Variants in FBXO41 observed in about 807,000 individuals in gnomAD.
The protein encoded by FBXO41 is F-box protein 41, also known as F-box only protein 41.
In FBXO41, 33 loss-of-function variants were observed where a neutral mutation model predicts 81.6. The ratio of observed to expected loss-of-function variants is 0.40; its 90% confidence interval spans 0.31 to 0.54. FBXO41 has a LOEUF of 0.54. FBXO41 is among the 20% of genes least tolerant of loss of function. The pLI is 0.39. For synonymous variants in FBXO41, 576 were observed against 552.7 expected, an observed-to-expected ratio of 1.04 and a Z score of -0.59; for missense variants, 1,107 against 1,236.0, an observed-to-expected ratio of 0.90 and a Z score of 1.56.
chr2:73,277,022 T>C (rs555649188), intron 1 of FBXO41, among the ~76,000 whole-genome samples: 20 of 152,332 alleles, frequency 1.3e-4, no homozygotes, highest in Middle Eastern at 3.4e-3. Context: ...GTAGCCAGCC[T>C]TCTCCCCACC....
At chr2:73,282,393 A>G (rs1462667294) in intron 1 of FBXO41, among the ~76,000 whole-genome samples, 2 of 152,146 alleles carry the variant, frequency 1.3e-5, no homozygotes, top group East Asian at 3.9e-4. Context: ...CTTTTCAACA[A>G]CCATCACCCC....
Position 73,269,052 on chromosome 2 carries a change from G to C in FBXO41, c.579C>G (p.Pro193=). 3.3e-6 allele frequency: 5 copies of C among 1,529,860 alleles called. No homozygotes were observed. The highest frequency in any genetic ancestry group is 4.4e-6 in the Non-Finnish European group (5 of 1,142,984). 94.8% of individuals were successfully genotyped at this position (1,529,860 alleles called of 1,614,324 possible). A position where few individuals can be genotyped will look rare whatever the true frequency, so the allele number is the denominator to read the frequency against. The change falls in exon 2 of 13, where the codon CCC becomes CCG. Residue 193 remains proline (P), a synonymous_variant. Coordinates refer to ENST00000520530, the MANE Select transcript of FBXO41 (RefSeq NM_001371389.2). The surrounding 1 kb of genome is among the most constrained non-coding windows in gnomAD (Gnocchi z 7.0). ...PASASPASPS[P]ADVAYEEGLA... is the part of the protein sequence containing the mutation. ...GGCCCTCTTCGTAGGCCACATCAGC[G>C]GGTGAGGGGGACGCGGGCGAAGCGG...
intron 1 of FBXO41, among the ~76,000 whole-genome samples, chr2:73,277,664 G>C (rs1688734816): frequency 6.6e-6 from 1 of 150,586 alleles, no homozygotes. Context: ...TTTTTTTAAG[G>C]CTTACAGGTA....
At position 73,266,099 on chromosome 2, in the gene FBXO41, A is replaced by G. The variant is rs1420844794; in HGVS notation, c.1132-133T>C. The stretch of plus-strand genomic sequence containing the variant: ...GGAGAGAGAAGGGAAAATAGTTGGG[A>G]AAGATGGACAAATGGACAGACAGAC... On this transcript the variant is annotated intron_variant, in intron 3 of 12. Coordinates refer to ENST00000520530, the MANE Select transcript of FBXO41 (RefSeq NM_001371389.2). This position sits in a 1 kb window ranked among gnomAD's most constrained non-coding sequence, Gnocchi z 5.3. The G allele has an allele frequency of 2.4e-6, 2 of 825,478 alleles. No individual in the cohort carries two copies. The highest frequency in any genetic ancestry group is 3.9e-6 in the Non-Finnish European group (2 of 511,084). The allele number at this position is 825,478 out of a possible 1,614,324, so 51.1% of individuals were successfully genotyped here.
rs945858302 is a variant in FBXO41, at chr2:73,284,379, G to C, written c.-358C>G. ...CGCAGCGGGAGGGGCGCACGAACCCGGCGGGAGGAAGGATGGAGGAGGAGG... is the reference window on the plus strand; with the variant it reads ...CGCAGCGGGAGGGGCGCACGAACCCCGCGGGAGGAAGGATGGAGGAGGAGG... On this transcript the variant is annotated 5_prime_UTR_variant, in exon 1 of 13. Transcript: ENST00000520530. This position sits in a 1 kb window ranked among gnomAD's most constrained non-coding sequence, Gnocchi z 7.4. 2.0e-5 allele frequency: 3 copies of C among 152,394 alleles called. No individual in the cohort carries two copies. The highest frequency in any genetic ancestry group is 7.2e-5 in the African/African-American group (3 of 41,408). 9.4% of individuals were successfully genotyped at this position (152,394 alleles called of 1,614,324 possible).
chr2:73,259,336 G>T lies in FBXO41; in HGVS notation c.2450-40C>A. ...GCAAAGTAGGGGCGTGTTTGGCCTG[G>T]GCTGTGGAGCTGCCTCCTCTCCTCT... On this transcript the variant is annotated intron_variant, in intron 11 of 12. Transcript: ENST00000520530. The surrounding 1 kb of genome is among the most constrained non-coding windows in gnomAD (Gnocchi z 4.2). 1 of 1,546,036 alleles carries T rather than the reference G, an allele frequency of 6.5e-7. No individual in the cohort carries two copies. Among genetic ancestry groups the T allele is most frequent in the Middle Eastern group, 1.7e-4 (1 of 5,948 alleles).
rs141922561 is a variant in FBXO41 at position 73,276,526 on chromosome 2, C to T, written c.-138-6758G>A. 6.9e-3 allele frequency among the ~76,000 whole-genome samples: 961 copies of T among 139,508 alleles called. 17 individuals carry two copies. The highest frequency in any genetic ancestry group is 0.023 in the African/African-American group (855 of 36,810). The allele number at this position is 139,508 out of a possible 152,430, so 91.5% of individuals were successfully genotyped here. A position where few individuals can be genotyped will look rare whatever the true frequency, so the allele number is the denominator to read the frequency against. The stretch of plus-strand genomic sequence containing the variant: ...TCCAAAACATGGTTCTTTGAAAAGA[C>T]CAGCAAAATAAACAGCTCTCTGGCA... On this transcript the variant is annotated intron_variant, in intron 1 of 12. Transcript: ENST00000520530.
Position 73,265,273 on chromosome 2 carries a change from G to T in FBXO41, c.1564+9C>A. On this transcript the variant is annotated intron_variant, in intron 5 of 12. Transcript: ENST00000520530. ...CCTGTGTCCCCCTGCCCAGCCTTCC[G>T]GGACCTACCTGAGAGCCGGCAGCTG... The T allele has an allele frequency of 6.3e-7, 1 of 1,592,304 alleles. No individual in the cohort carries two copies. Among genetic ancestry groups the T allele is most frequent in the South Asian group, 1.1e-5 (1 of 88,464 alleles).
At chr2:73,263,171 A>G (rs1486323904) in intron 9 of FBXO41, 42 bp downstream of exon 9, 40 of 1,515,014 alleles carry the variant, frequency 2.6e-5, no homozygotes, top group Non-Finnish European at 3.5e-5. Flanking sequence ...ACCAGGCCCA[A>G]CCGTGTCCCC....
intron 5 of FBXO41, 143 bp from the exon 6 acceptor site, chr2:73,264,662 C>T: frequency 8.1e-7 from 1 of 1,232,722 alleles, no homozygotes; most frequent in East Asian, 2.5e-5. Flanking sequence ...GAAAAGGGGC[C>T]TCTGCCTCCC....
rs184348217 is a variant in FBXO41, at chr2:73,267,574, C to T, written c.906-892G>A. ...TTGGGGAAATAGCAGTGAACAACTC[C>T]TGTCTTTATGGAGTTTATATGACAA... On this transcript the variant is annotated intron_variant, in intron 2 of 12. Coordinates refer to ENST00000520530, the MANE Select transcript of FBXO41 (RefSeq NM_001371389.2). 2.0e-3 allele frequency among the ~76,000 whole-genome samples: 312 copies of T among 152,348 alleles called. 2 individuals carry two copies. The highest frequency in any genetic ancestry group is 1.7e-3 in the Non-Finnish European group (118 of 68,038).
chr2:73,281,003 G>A (rs1245194948), intron 1 of FBXO41, among the ~76,000 whole-genome samples: 1 of 152,198 alleles, frequency 6.6e-6, no homozygotes, highest in African/African-American at 2.4e-5. Context: ...AATAACAGGT[G>A]GCTTCCTGGT....
At position 73,257,144 on chromosome 2, in the gene FBXO41, A is replaced by G. The variant is rs537434398; in HGVS notation, c.*1838T>C. ...TGCTGCTTTTTCCTGACCCCTGAGGACAGGGCTGGTGCAGGGAGAAGCCAA... is the reference window on the plus strand; with the variant it reads ...TGCTGCTTTTTCCTGACCCCTGAGGGCAGGGCTGGTGCAGGGAGAAGCCAA... On this transcript the variant is annotated 3_prime_UTR_variant, in exon 13 of 13. Transcript: ENST00000520530. This position sits in a 1 kb window ranked among gnomAD's most constrained non-coding sequence, Gnocchi z 4.6. 4 of 153,086 alleles carry G rather than the reference A, an allele frequency of 2.6e-5. No individual in the cohort carries two copies. In the East Asian group the frequency reaches 7.7e-4, roughly 29 times the overall value. 9.5% of individuals were successfully genotyped at this position (153,086 alleles called of 1,614,324 possible). A position where few individuals can be genotyped will look rare whatever the true frequency, so the allele number is the denominator to read the frequency against.
At chr2:73,261,686 C>A (rs897133513) in intron 9 of FBXO41, among the ~76,000 whole-genome samples, 1 of 152,190 alleles carries the variant, frequency 6.6e-6, no homozygotes, top group Non-Finnish European at 1.5e-5. Context: ...CCAATACTTT[C>A]TAGATAAAAT....
At chr2:73,280,599 C>A (rs1260898046) in intron 1 of FBXO41, among the ~76,000 whole-genome samples, 1 of 152,202 alleles carries the variant, frequency 6.6e-6, no homozygotes, top group Non-Finnish European at 1.5e-5. Context: ...ATGCTGGTCC[C>A]TCTTCCTGGG....
At chr2:73,281,999 A>G (rs575854941) in intron 1 of FBXO41, among the ~76,000 whole-genome samples, 1 of 152,250 alleles carries the variant, frequency 6.6e-6, no homozygotes, top group East Asian at 1.9e-4. Flanking sequence ...CATGCAATAA[A>G]TTTCTTTTTT....
intron 9 of FBXO41, among the ~76,000 whole-genome samples, chr2:73,262,696 T>C (rs1688061231): frequency 6.6e-6 from 1 of 152,240 alleles, no homozygotes; most frequent in Non-Finnish European, 1.5e-5. Context: ...AAGGTGGCAC[T>C]GCCAGTAAGC....
At chr2:73,261,114 T>C (rs1688007894) in intron 9 of FBXO41, among the ~76,000 whole-genome samples, 1 of 151,586 alleles carries the variant, frequency 6.6e-6, no homozygotes, top group Admixed American at 6.6e-5. Flanking sequence ...TGGAGTGCAG[T>C]GGTGCAATTT....
At position 73,260,876 on chromosome 2, in the gene FBXO41, G is replaced by A. The variant is rs781269654; in HGVS notation, c.2172-18C>T. ...GCTGCTGGCTGGAGAATGGGAAGGG[G>A]GAGCCGTCAGGGAAGTCTCTGGATG... On this transcript the variant is annotated intron_variant, in intron 9 of 12. Transcript: ENST00000520530. This position sits in a 1 kb window ranked among gnomAD's most constrained non-coding sequence, Gnocchi z 5.0. 3.2e-6 allele frequency: 5 copies of A among 1,544,734 alleles called. No homozygotes were observed. In the South Asian group the frequency reaches 4.8e-5, roughly 15 times the overall value.
Sources: gnomAD v4.1 joint callset for allele counts (sites outside exome capture counted in the v4.1 genomes callset) on GRCh38, gnomAD v4.1.1 for gene constraint, Gnocchi (gnomAD v3.1) non-coding constraint, MANE v1.5 for transcripts, NCBI Gene and HGNC (gene_info 2026-07-23, HGNC 2026-07-21) for gene names.